Variants in HPSE2 observed in about 807,000 individuals in gnomAD.
The protein encoded by HPSE2 is heparanase 2 (inactive).
HPSE2 carries 38 observed loss-of-function variants against 60.5 expected under a neutral mutation model. The ratio of observed to expected loss-of-function variants is 0.63; its 90% CI spans 0.48 to 0.82. The LOEUF is 0.82. HPSE2 is among the 40% of genes least tolerant of loss of function. The pLI is 0.00. For missense variants in HPSE2, 713 were observed against 740.4 expected (o/e 0.96, Z 0.43); for synonymous variants, 295 against 293.2 (o/e 1.01, Z -0.06).
At chr10:98,939,044 T>C (rs1410390686) in intron 3 of HPSE2, among the ~76,000 whole-genome samples, 1 of 143,816 alleles carries the variant, frequency 7.0e-6, no homozygotes, top group Non-Finnish European at 1.5e-5. Flanking sequence ...CTGAGAGATT[T>C]TGTCACCACC....
intron 3 of HPSE2, among the ~76,000 whole-genome samples, chr10:99,029,814 A>G (rs1957459377): frequency 6.6e-6 from 1 of 152,140 alleles, no homozygotes; most frequent in African/African-American, 2.4e-5. Context: ...CCTGACTAAT[A>G]TCAGGCCCTC....
At chr10:98,673,830 T>A (rs1947567314) in intron 6 of HPSE2, among the ~76,000 whole-genome samples, 1 of 152,228 alleles carries the variant, frequency 6.6e-6, no homozygotes, top group Non-Finnish European at 1.5e-5. Flanking sequence ...GACCACCATT[T>A]ACTACCTGTG....
chr10:99,004,493 T>A (rs1956848892), intron 3 of HPSE2, among the ~76,000 whole-genome samples: 1 of 152,134 alleles, frequency 6.6e-6, no homozygotes, highest in Non-Finnish European at 1.5e-5. Context: ...CAGGCTCTGT[T>A]AACCCAAAGA....
intron 2 of HPSE2, among the ~76,000 whole-genome samples, chr10:99,197,063 C>G (rs2805374): frequency 0.87 from 131,679 of 152,214 alleles, 57,216 homozygotes; most frequent in African/African-American, 0.93. Context: ...AGATTCAGTC[C>G]TTTGCAACAC....
chr10:98,725,772 T>C (rs1250631052), intron 4 of HPSE2, among the ~76,000 whole-genome samples: 1 of 151,902 alleles, frequency 6.6e-6, no homozygotes, highest in Non-Finnish European at 1.5e-5. Context: ...GAATCTACAA[T>C]GAACTCAAAC....
At chr10:98,922,155 TTAA>T (rs747176927) in intron 3 of HPSE2, among the ~76,000 whole-genome samples, 7 of 152,256 alleles carry the variant, frequency 4.6e-5, no homozygotes, top group African/African-American at 7.2e-5. Flanking sequence ...TATAAAATTA[TTAA>T]TGTGATTTTT....
chr10:99,188,994 C>A (rs1848127991), intron 2 of HPSE2, among the ~76,000 whole-genome samples: 1 of 152,206 alleles, frequency 6.6e-6, no homozygotes, highest in Non-Finnish European at 1.5e-5. Context: ...AACTTTTCTG[C>A]CACATGCAGC....
intron 3 of HPSE2, among the ~76,000 whole-genome samples, chr10:98,951,539 A>T (rs140999625): frequency 2.6e-5 from 4 of 152,320 alleles, no homozygotes; most frequent in African/African-American, 7.2e-5. Context: ...AGGAAGAAGG[A>T]TGCAAAAAAG....
intron 3 of HPSE2, among the ~76,000 whole-genome samples, chr10:99,080,442 T>C (rs1334126591): frequency 6.6e-6 from 1 of 152,206 alleles, no homozygotes; most frequent in Non-Finnish European, 1.5e-5. Context: ...CCATAGGTCT[T>C]ATCAGGGTGA....
At chr10:99,280,274 A>G in the HPSE2 span, among the ~76,000 whole-genome samples, 1 of 152,220 alleles carries the variant, frequency 6.6e-6, no homozygotes, top group Non-Finnish European at 1.5e-5. Flanking sequence ...CTGATCATGT[A>G]AAGAAGGATT....
At chr10:99,000,705 G>A (rs1274010382) in intron 3 of HPSE2, among the ~76,000 whole-genome samples, 2 of 152,004 alleles carry the variant, frequency 1.3e-5, no homozygotes, top group African/African-American at 4.8e-5. Flanking sequence ...GAAAATGGAG[G>A]ATGTAAGACA....
intron 3 of HPSE2, among the ~76,000 whole-genome samples, chr10:98,908,683 CAAAAAAAAAAAAAA>C (rs35913499): frequency 4.5e-5 from 3 of 66,106 alleles, no homozygotes; most frequent in South Asian, 8.9e-4. Flanking sequence ...AGCTCCATCT[CAAAAAAAAAAAAAA>C]AAAAAAAAAA....
At chr10:98,628,059 T>C (rs1327039017) in intron 7 of HPSE2, among the ~76,000 whole-genome samples, 1 of 152,194 alleles carries the variant, frequency 6.6e-6, no homozygotes, top group African/African-American at 2.4e-5. Flanking sequence ...ACTAAACCAG[T>C]TATATGAAAT....
chr10:99,136,552 C>T (rs953110216), intron 3 of HPSE2, among the ~76,000 whole-genome samples: 42 of 152,106 alleles, frequency 2.8e-4, no homozygotes, highest in African/African-American at 3.9e-4. Flanking sequence ...ACGATCAAGT[C>T]GGCTTCATCC....
chr10:98,498,934 C>T (rs1360352846), intron 9 of HPSE2, among the ~76,000 whole-genome samples: 2 of 151,912 alleles, frequency 1.3e-5, no homozygotes, highest in Non-Finnish European at 2.9e-5. Flanking sequence ...TCAAATTAAC[C>T]CAATCCAACA....
chr10:98,802,051 C>T (rs772653435), intron 3 of HPSE2, among the ~76,000 whole-genome samples: 1 of 144,938 alleles, frequency 6.9e-6, no homozygotes, highest in Non-Finnish European at 1.5e-5. Context: ...ATAGTGAACT[C>T]ATTTTTGACA....
chr10:99,039,444 G>GA (rs1229040768), intron 3 of HPSE2, among the ~76,000 whole-genome samples: 4 of 151,780 alleles, frequency 2.6e-5, no homozygotes, highest in African/African-American at 9.7e-5. Flanking sequence ...AATCAACTAA[G>GA]ATAGTCCATG....
intron 1 of HPSE2, 106 bp from the exon 2 acceptor site, chr10:99,232,611 G>C (rs1346182311): frequency 7.8e-7 from 1 of 1,287,888 alleles, no homozygotes; most frequent in Non-Finnish European, 1.1e-6. Context: ...ACCTGGCCGG[G>C]GCTAGAGGCT....
intron 5 of HPSE2, among the ~76,000 whole-genome samples, chr10:98,704,618 T>C (rs10786457): frequency 0.71 from 108,559 of 152,042 alleles, 40,776 homozygotes; most frequent in South Asian, 0.95. Context: ...ACATCTACAA[T>C]CATCTGATCT....
Sources: allele counts gnomAD v4.1 joint callset (sites outside exome capture counted in the v4.1 genomes callset), GRCh38; gene constraint gnomAD v4.1.1; transcripts MANE v1.5; gene names NCBI Gene and HGNC (gene_info 2026-07-23, HGNC 2026-07-21).